TOB2: variants seen among roughly 807,000 people sequenced by gnomAD.
TOB2 encodes transducer of ERBB2, 2, also known as protein Tob2.
TOB2 carries 3 observed loss-of-function variants against 17.3 expected under a neutral mutation model. That is an observed-to-expected ratio of 0.17 (90% CI 0.08 to 0.45). The LOEUF is 0.45. Ranked by LOEUF, TOB2 falls within the 20% of genes least tolerant of loss-of-function variation. TOB2 has a pLI of 0.99. For missense variants in TOB2, 407 were observed against 445.7 expected (o/e 0.91, Z 0.78); for synonymous variants, 163 against 185.6 (o/e 0.88, Z 0.99).
chr22:41,437,458 C>T (rs915484273), intron 1 of TOB2, 51 bp from the exon 2 acceptor site: 7 of 1,503,414 alleles, frequency 4.7e-6, no homozygotes, highest in Admixed American at 4.6e-5. Context: ...TGGTGGTGAC[C>T]AACAGCTAGG....
intron 1 of TOB2, among the ~76,000 whole-genome samples, chr22:41,439,482 CGTATGTATGTAT>C (rs6147628): frequency 0.3 from 44,622 of 147,844 alleles, 7,073 homozygotes; most frequent in East Asian, 0.52. Context: ...TTTAATTTTA[CGTATGTATGTAT>C]GTATGTATGT....
chr22:41,441,769 G>C (rs1408199888), intron 1 of TOB2, among the ~76,000 whole-genome samples: 4 of 151,880 alleles, frequency 2.6e-5, no homozygotes, highest in African/African-American at 9.7e-5. Flanking sequence ...AAATTAGCCG[G>C]GTGTGGTGGC....
Position 41,437,948 on chromosome 22 carries a change from C to CAA in TOB2, c.-62-543_-62-542dup, listed in dbSNP as rs35151486. ...CTGGCGACAGAGTGAGACTCCATCTCAAAAAAAAAAAAAAAAAAAAAAAAA... is the reference window on the plus strand; with the variant it reads ...CTGGCGACAGAGTGAGACTCCATCTCAAAAAAAAAAAAAAAAAAAAAAAAAAA... On this transcript the variant is annotated intron_variant, in intron 1 of 1. Transcript: ENST00000327492. 8.9e-3 allele frequency among the ~76,000 whole-genome samples: 398 copies of CAA among 44,510 alleles called. 67 individuals are homozygous for CAA. Among genetic ancestry groups the CAA allele is most frequent in the African/African-American group, 0.038 (349 of 9,280 alleles). 29.2% of individuals were successfully genotyped at this position (44,510 alleles called of 152,430 possible). A position where few individuals can be genotyped will look rare whatever the true frequency, so the allele number is the denominator to read the frequency against.
intron 1 of TOB2, among the ~76,000 whole-genome samples, chr22:41,439,107 G>C (rs1316632393): frequency 6.6e-6 from 1 of 152,168 alleles, no homozygotes; most frequent in Admixed American, 6.5e-5. Context: ...GAGAGCCAGT[G>C]ATCCTAATCT....
intron 1 of TOB2, 43 bp from the exon 2 acceptor site, chr22:41,437,450 G>A: frequency 2.6e-6 from 4 of 1,509,952 alleles, no homozygotes; most frequent in South Asian, 1.4e-5. Flanking sequence ...CAGAAAGCTG[G>A]TGGTGACCAA....
At chr22:41,441,536 CG>C (rs1399547733) in intron 1 of TOB2, among the ~76,000 whole-genome samples, 1 of 151,806 alleles carries the variant, frequency 6.6e-6, no homozygotes, top group Non-Finnish European at 1.5e-5. Flanking sequence ...CCCAGCACTT[CG>C]GGAGGCCAAG....
chr22:41,439,626 G>A (rs534310032), intron 1 of TOB2, among the ~76,000 whole-genome samples: 10 of 151,882 alleles, frequency 6.6e-5, no homozygotes, highest in Admixed American at 2.0e-4. Flanking sequence ...AGTGATTCTC[G>A]TGCCTTGGCC....
Position 41,437,278 on chromosome 22 carries a change from C to T in TOB2, c.68G>A (p.Arg23His), listed in dbSNP as rs2037565073. Residue 23 changes from arginine to histidine, a missense_variant, in exon 2 of 2, where the codon CGC (arginine) becomes CAC (histidine). Coordinates refer to ENST00000327492, the MANE Select transcript of TOB2 (RefSeq NM_016272.4). Reference protein sequence around the residue: ...ISYLYNKLPRRRADLFGEELE... With the variant: ...ISYLYNKLPRHRADLFGEELE... ...CTCCTCCCCAAACAGGTCTGCCCGG[C>T]GCCGGGGCAGCTTGTTGTACAAGTA... The T allele has an allele frequency of 6.2e-7, 1 of 1,614,098 alleles. No homozygotes were observed. Among genetic ancestry groups the T allele is most frequent in the Non-Finnish European group, 8.5e-7 (1 of 1,180,042 alleles).
At chr22:41,445,051 G>A (rs939426008) in intron 1 of TOB2, among the ~76,000 whole-genome samples, 1 of 152,204 alleles carries the variant, frequency 6.6e-6, no homozygotes, top group Non-Finnish European at 1.5e-5. Context: ...CAGTTCTCCC[G>A]TCCTCTCGGC....
chr22:41,438,007 AG>A (rs1250697782), intron 1 of TOB2, among the ~76,000 whole-genome samples: 1 of 149,048 alleles, frequency 6.7e-6, no homozygotes, highest in Non-Finnish European at 1.5e-5. Context: ...CTAAAGAAAT[AG>A]GGAAGCTGTG....
In TOB2 at chr22:41,436,319, C is replaced by A; in HGVS notation, c.1027G>T (p.Ala343Ser). The A allele has an allele frequency of 6.4e-7, 1 of 1,568,138 alleles. No homozygotes were observed. The highest frequency in any genetic ancestry group is 8.7e-7 in the Non-Finnish European group (1 of 1,155,152). Residue 343 changes from alanine to serine, a missense_variant, in exon 2 of 2, where the codon GCC becomes TCC. Physicochemically the swap from Ala to Ser is moderately conservative, Grantham distance 99. Transcript: ENST00000327492. The surrounding 1 kb of genome is among the most constrained non-coding windows in gnomAD (Gnocchi z 4.8). ...PSQQFQPVVL[A>S]N Reference sequence around the variant, plus strand: ...CACGGGCAGGTAGATGGTCAGTTGGCCAGCACCACGGGCTGGAACTGCTGG... The same window carrying A: ...CACGGGCAGGTAGATGGTCAGTTGGACAGCACCACGGGCTGGAACTGCTGG...
intron 1 of TOB2, among the ~76,000 whole-genome samples, chr22:41,441,305 A>G (rs912291893): frequency 9.2e-6 from 1 of 108,644 alleles, no homozygotes; most frequent in African/African-American, 4.3e-5. Flanking sequence ...ACAGAGCAAG[A>G]CTCTACCTCA....
intron 1 of TOB2, among the ~76,000 whole-genome samples, chr22:41,438,800 T>C (rs1046347971): frequency 4.6e-5 from 7 of 151,912 alleles, no homozygotes; most frequent in Non-Finnish European, 8.8e-5. Flanking sequence ...ATCTCTGTAG[T>C]TTCTGGTGAG....
At chr22:41,438,661 A>AAAAAAT (rs2037581649) in intron 1 of TOB2, among the ~76,000 whole-genome samples, 1 of 144,290 alleles carries the variant, frequency 6.9e-6, no homozygotes, top group Admixed American at 7.0e-5. Flanking sequence ...AAAAAAAAAA[A>AAAAAAT]GGAATAAGAC....
At position 41,434,489 on chromosome 22, in the gene TOB2, G is replaced by A. The variant is rs184637794; in HGVS notation, c.*1822C>T. 1 of 152,818 alleles carries A rather than the reference G, an allele frequency of 6.5e-6. No individual in the cohort carries two copies. Among genetic ancestry groups the A allele is most frequent in the East Asian group, 1.9e-4 (1 of 5,200 alleles). The allele number at this position is 152,818 out of a possible 1,614,324, so 9.5% of individuals were successfully genotyped here. A position where few individuals can be genotyped will look rare whatever the true frequency, so the allele number is the denominator to read the frequency against. Reference sequence around the variant, plus strand: ...TGGCCCAGACTGGGCTGGCCCCTGAGAAGTCTAGGGGAACAGATGGTGCTG... The same window carrying A: ...TGGCCCAGACTGGGCTGGCCCCTGAAAAGTCTAGGGGAACAGATGGTGCTG... On this transcript the variant is annotated 3_prime_UTR_variant, in exon 2 of 2. Coordinates refer to ENST00000327492, the MANE Select transcript of TOB2 (RefSeq NM_016272.4).
Position 41,437,301 on chromosome 22 carries a change from G to A in TOB2, c.45C>T (p.Tyr15=). The change falls in exon 2 of 2, where the codon TAC becomes TAT. Residue 15 remains tyrosine (Y), a synonymous_variant. Transcript: ENST00000327492. ...GGCGCCGGGGCAGCTTGTTGTACAA[G>A]TAGGAGATGATGAAGTTCAGGGCCA... ...IKVALNFIIS[Y]LYNKLPRRRA... 8 of 1,614,076 alleles carry A rather than the reference G, an allele frequency of 5.0e-6. No homozygotes were observed. The highest frequency in any genetic ancestry group is 4.4e-5 in the South Asian group (4 of 91,086).
chr22:41,443,339 G>A (rs375088986), intron 1 of TOB2, among the ~76,000 whole-genome samples: 1 of 152,072 alleles, frequency 6.6e-6, no homozygotes, highest in South Asian at 2.1e-4. Flanking sequence ...TCCCCCCCTC[G>A]AGACAGTCTT....
At chr22:41,440,322 T>A (rs549345031) in intron 1 of TOB2, among the ~76,000 whole-genome samples, 1 of 151,404 alleles carries the variant, frequency 6.6e-6, no homozygotes, top group East Asian at 2.0e-4. Context: ...TTTCCCCATG[T>A]TGGCCAGGAT....
At position 41,436,475 on chromosome 22, in the gene TOB2, C is replaced by T. The variant is rs1181934264; in HGVS notation, c.871G>A (p.Ala291Thr). 1.2e-6 allele frequency: 2 copies of T among 1,614,104 alleles called. No homozygotes were observed. The highest frequency in any genetic ancestry group is 4.5e-5 in the East Asian group (2 of 44,888). Residue 291 changes from alanine (A) to threonine (T), a missense_variant, in exon 2 of 2, where the codon GCT becomes ACT. Transcript: ENST00000327492. The surrounding 1 kb of genome is among the most constrained non-coding windows in gnomAD (Gnocchi z 4.8). Reference protein sequence around the residue: ...GTPGPFGGSGAGTCNSSSFDM... With the variant: ...GTPGPFGGSGTGTCNSSSFDM... ...AAGCTGCTGCTGTTGCAGGTGCCAG[C>T]CCCACTGCCTCCAAACGGGCCTGGG...
Sources: gnomAD v4.1 joint callset for allele counts (sites outside exome capture counted in the v4.1 genomes callset) on GRCh38, gnomAD v4.1.1 for gene constraint, Gnocchi (gnomAD v3.1) non-coding constraint, MANE v1.5 for transcripts, NCBI Gene and HGNC (gene_info 2026-07-23, HGNC 2026-07-21) for gene names.